Variants in PLXNA4 observed in about 807,000 individuals in gnomAD.
PLXNA4 encodes the protein plexin A4.
A neutral mutation model predicts 191.8 loss-of-function variants in PLXNA4; 44 were observed. The observed-to-expected ratio is 0.23, with a 90% CI of 0.18 to 0.29. The LOEUF is 0.29. Among genes scored for constraint, PLXNA4 ranks in the 10% least tolerant of loss-of-function variants. The pLI is 1.00. For synonymous variants in PLXNA4, 1,082 were observed against 1,009.5 expected, an observed-to-expected ratio of 1.07 and a Z score of -1.36; for missense variants, 1,800 against 2,488.8, an observed-to-expected ratio of 0.72 and a Z score of 5.89.
intron 10 of PLXNA4, among the ~76,000 whole-genome samples, chr7:132,210,167 T>C (rs1208839459): frequency 6.6e-6 from 1 of 152,144 alleles, no homozygotes; most frequent in Admixed American, 6.5e-5. Context: ...ATGTGTCTAG[T>C]GTTTGTCTCT....
intron 1 of PLXNA4, among the ~76,000 whole-genome samples, chr7:132,574,184 T>C (rs1412570235): frequency 1.3e-5 from 2 of 152,154 alleles, no homozygotes; most frequent in African/African-American, 4.8e-5. Context: ...TGATGGATCC[T>C]GAGGCTGCGA....
At chr7:132,360,752 A>G (rs1230324733) in intron 3 of PLXNA4, among the ~76,000 whole-genome samples, 1 of 152,130 alleles carries the variant, frequency 6.6e-6, no homozygotes, top group African/African-American at 2.4e-5. Context: ...GTAGAGAGAG[A>G]GACAGTGGGT....
intron 3 of PLXNA4, among the ~76,000 whole-genome samples, chr7:132,442,491 G>A (rs773116601): frequency 2.0e-5 from 3 of 152,000 alleles, no homozygotes; most frequent in African/African-American, 7.3e-5. Context: ...TACTTTTCTC[G>A]AACGGGCAAC....
At chr7:132,507,194 C>T (rs899163033) in intron 2 of PLXNA4, among the ~76,000 whole-genome samples, 5 of 152,144 alleles carry the variant, frequency 3.3e-5, no homozygotes, top group African/African-American at 7.2e-5. Context: ...CCGGTCCCTA[C>T]GACATCCATT....
At chr7:132,313,683 A>C (rs1009541284) in intron 3 of PLXNA4, among the ~76,000 whole-genome samples, 3 of 152,072 alleles carry the variant, frequency 2.0e-5, no homozygotes, top group African/African-American at 4.8e-5. Context: ...TCAGGACTGA[A>C]TGTCTGCTGG....
intron 3 of PLXNA4, among the ~76,000 whole-genome samples, chr7:132,388,370 A>C (rs757888941): frequency 6.6e-6 from 1 of 152,168 alleles, no homozygotes; most frequent in South Asian, 2.1e-4. Flanking sequence ...TATCTTGCCC[A>C]AAGTCACCCA....
intron 25 of PLXNA4, among the ~76,000 whole-genome samples, chr7:132,151,591 AGGAGGAGAG>A (rs1467141136): frequency 8.5e-5 from 2 of 23,584 alleles, no homozygotes; most frequent in Non-Finnish European, 5.0e-4. Context: ...AGGAGGAGAA[AGGAGGAGAG>A]GGAGAGGGAG....
intron 10 of PLXNA4, among the ~76,000 whole-genome samples, chr7:132,203,655 C>T (rs1309233005): frequency 1.3e-5 from 2 of 152,222 alleles, no homozygotes; most frequent in African/African-American, 4.8e-5. Context: ...GGCCAGGCCT[C>T]CAAGCATGCC....
chr7:132,174,052 G>T (rs1796373863), intron 21 of PLXNA4, among the ~76,000 whole-genome samples: 1 of 152,116 alleles, frequency 6.6e-6, no homozygotes. Context: ...GCATGCAAAG[G>T]GCTTAAACTG....
intron 3 of PLXNA4, among the ~76,000 whole-genome samples, chr7:132,394,313 C>G (rs571671244): frequency 3.9e-5 from 6 of 152,178 alleles, no homozygotes; most frequent in Admixed American, 1.3e-4. Context: ...CTAGGAGGGT[C>G]CCTCCTCCCT....
chr7:132,554,738 G>T (rs1426975652), intron 1 of PLXNA4, among the ~76,000 whole-genome samples: 1 of 152,134 alleles, frequency 6.6e-6, no homozygotes, highest in Non-Finnish European at 1.5e-5. Flanking sequence ...ACCAGGGCCT[G>T]GGGCTGAAGA....
chr7:132,537,131 G>A (rs1799875667), intron 1 of PLXNA4, among the ~76,000 whole-genome samples: 1 of 152,214 alleles, frequency 6.6e-6, no homozygotes, highest in Admixed American at 6.5e-5. Flanking sequence ...CAGAAGCAGG[G>A]CCTGCAAGTG....
At chr7:132,641,389 C>T (rs1241266016) in intron 2 of PLXNA4, among the ~76,000 whole-genome samples, 1 of 152,178 alleles carries the variant, frequency 6.6e-6, no homozygotes, top group Admixed American at 6.5e-5. Context: ...CCTTACATGG[C>T]CTTTCCTCTG....
At chr7:132,444,796 T>C (rs577636910) in intron 3 of PLXNA4, among the ~76,000 whole-genome samples, 13 of 152,130 alleles carry the variant, frequency 8.5e-5, no homozygotes, top group Middle Eastern at 6.8e-3. Context: ...CAGTAGACCA[T>C]GCATGCAAAA....
At chr7:132,146,438 C>A in intron 28 of PLXNA4, 72 bp downstream of exon 28, 1 of 1,613,236 alleles carries the variant, frequency 6.2e-7, no homozygotes, top group Non-Finnish European at 8.5e-7. Context: ...GCTACTCTGG[C>A]ATTTCTGTGG....
rs1184237681 is a variant in PLXNA4 at position 132,576,460 on chromosome 7, G to T, written c.-125C>A. ...GTTTCCCTCCTTCAGCGGGAGCGCC[G>T]CATTGACACTGCAGATGGAGCCTAT... On this transcript the variant is annotated 5_prime_UTR_variant, in exon 1 of 32. Transcript: ENST00000321063. This position sits in a 1 kb window ranked among gnomAD's most constrained non-coding sequence, Gnocchi z 5.8. The T allele has an allele frequency of 2.0e-6, 2 of 985,620 alleles. No homozygotes were observed. Among genetic ancestry groups the T allele is most frequent in the African/African-American group, 1.7e-5 (1 of 57,194 alleles). The allele number at this position is 985,620 out of a possible 1,614,324, so 61.1% of individuals were successfully genotyped here. A position where few individuals can be genotyped will look rare whatever the true frequency, so the allele number is the denominator to read the frequency against.
intron 4 of PLXNA4, among the ~76,000 whole-genome samples, chr7:132,265,002 C>G (rs1443658764): frequency 1.3e-5 from 2 of 152,160 alleles, no homozygotes; most frequent in Non-Finnish European, 2.9e-5. Context: ...CCCTGTCTGT[C>G]CCTTTTAATG....
At chr7:132,647,246 TAC>T (rs138490040) in intron 1 of PLXNA4, among the ~76,000 whole-genome samples, 1,424 of 134,458 alleles carry the variant, frequency 0.011, 21 homozygotes, top group African/African-American at 0.038. Context: ...TACACTGACA[TAC>T]ACACAGACAT....
chr7:132,443,866 A>G (rs1377337443), intron 3 of PLXNA4, among the ~76,000 whole-genome samples: 1 of 152,194 alleles, frequency 6.6e-6, no homozygotes, highest in Non-Finnish European at 1.5e-5. Context: ...ATTCCAAGCA[A>G]CATAATAATA....
Sources: gnomAD v4.1 joint callset for allele counts (sites outside exome capture counted in the v4.1 genomes callset) on GRCh38, gnomAD v4.1.1 for gene constraint, Gnocchi (gnomAD v3.1) non-coding constraint, MANE v1.5 for transcripts, NCBI Gene and HGNC (gene_info 2026-07-23, HGNC 2026-07-21) for gene names.